ENDOV: variants seen among roughly 807,000 people sequenced by gnomAD.
ENDOV encodes hEndoV.
In ENDOV, 37 loss-of-function variants were observed where a neutral mutation model predicts 39.4. The observed-to-expected ratio is 0.94, with a 90% CI of 0.72 to 1.23. The LOEUF (loss-of-function observed/expected upper bound fraction) is 1.23. Among genes scored for constraint, ENDOV ranks in the 50% most tolerant of loss-of-function variants. The probability of loss-of-function intolerance (pLI) is 0.00; values close to 1 mark genes in which losing one functional copy is unlikely to be tolerated. For synonymous variants in ENDOV, 186 were observed against 163.4 expected (o/e 1.14, Z -1.05); for missense variants, 441 against 375.7 (o/e 1.17, Z -1.44).
intron 9 of ENDOV, among the ~76,000 whole-genome samples, chr17:80,432,005 G>A (rs1473779341): frequency 6.6e-6 from 1 of 152,140 alleles, no homozygotes; most frequent in Admixed American, 6.5e-5. Flanking sequence ...GGTGTCAGCT[G>A]TGGAGCTGTG....
In ENDOV at chr17:80,429,850, A is replaced by G. The variant is rs753362216; in HGVS notation, c.838+19A>G. The G allele has an allele frequency of 6.2e-7, 1 of 1,612,722 alleles. No homozygotes were observed. Among genetic ancestry groups the G allele is most frequent in the South Asian group, 1.1e-5 (1 of 91,090 alleles). ...TCCTCAGGTGAGGGCCAGCCCCCAC[A>G]GGACCACAGCCCAGGCCCCAGGACA... On this transcript the variant is annotated intron_variant, in intron 9 of 9. Transcript: ENST00000518137.
At chr17:80,429,392 A>G (rs2083128473) in intron 8 of ENDOV, among the ~76,000 whole-genome samples, 1 of 151,864 alleles carries the variant, frequency 6.6e-6, no homozygotes, top group Non-Finnish European at 1.5e-5. Context: ...GGACACCCCC[A>G]CTCCCTAGGC....
intron 2 of ENDOV, chr17:80,419,832 G>A (rs1195088229): frequency 2.1e-5 from 13 of 613,448 alleles, no homozygotes; most frequent in African/African-American, 3.6e-5. Flanking sequence ...AGACCTAACT[G>A]TCACCCACGC....
chr17:80,421,660 C>T (rs938141452), intron 2 of ENDOV, among the ~76,000 whole-genome samples, 168 bp from the exon 3 acceptor site: 2 of 152,092 alleles, frequency 1.3e-5, no homozygotes, highest in African/African-American at 2.4e-5. Flanking sequence ...GGTACATCTT[C>T]TAGTTCCTTC....
intron 7 of ENDOV, chr17:80,427,516 G>A: frequency 1.0e-6 from 1 of 985,470 alleles, no homozygotes; most frequent in Non-Finnish European, 1.2e-6. Flanking sequence ...CCCTCCAGAG[G>A]AAGGAAAGCC....
At chr17:80,427,928 G>A (rs1328630178) in intron 7 of ENDOV, 52 of 1,179,020 alleles carry the variant, frequency 4.4e-5, no homozygotes, top group East Asian at 5.8e-5. Flanking sequence ...GGGATTAGCC[G>A]TTGCTTTCCA....
Position 80,425,078 on chromosome 17 carries a change from ACT to A in ENDOV, c.566_567del (p.Ser189TrpfsTer51), listed in dbSNP as rs1430603263. 2 of 1,610,236 alleles carry A rather than the reference ACT, an allele frequency of 1.2e-6. No homozygotes were observed. The highest frequency in any genetic ancestry group is 2.2e-5 in the South Asian group (2 of 90,214). On this transcript the variant is annotated frameshift_variant, in exon 6 of 10. Transcript: ENST00000518137. LOFTEE classifies it high-confidence loss of function. ...GGAGACTCATTCCCTCTGCTGGGAG[ACT>A]CTGGGACTGTCCTGGGAATGGTGAG...
At chr17:80,427,455 G>C (rs1025269759) in intron 7 of ENDOV, 1 of 985,348 alleles carries the variant, frequency 1.0e-6, no homozygotes, top group African/African-American at 1.7e-5. Context: ...TAGAAATAGA[G>C]CAAGGATCTG....
In ENDOV at chr17:80,436,527, A is replaced by G; in HGVS notation, c.*384A>G. On this transcript the variant is annotated 3_prime_UTR_variant, in exon 10 of 10. Transcript: ENST00000518137. ...AATGCTTTTCTGGCCTCTATTGAAA[A>G]GATCCTGTGTTCTTCTGTGAATATG... 1 of 425,538 alleles carries G rather than the reference A, an allele frequency of 2.3e-6. No individual in the cohort carries two copies. Among genetic ancestry groups the G allele is most frequent in the Non-Finnish European group, 4.0e-6 (1 of 251,832 alleles). 26.4% of individuals were successfully genotyped at this position (425,538 alleles called of 1,614,324 possible). A position where few individuals can be genotyped will look rare whatever the true frequency, so the allele number is the denominator to read the frequency against.
chr17:80,433,273 C>T, intron 9 of ENDOV: 1 of 516,142 alleles, frequency 1.9e-6, no homozygotes, highest in East Asian at 5.5e-5. Context: ...GGGGATATTC[C>T]ACCAGGTGAA....
rs1249296498 is a variant in ENDOV, at chr17:80,421,857, C to A, written c.258C>A (p.Ser86Arg). ...TGTATGAGGAGAGCCGCATGGTCAGCCTCACAGCCCCCTACGTGTCGGGCT... is the reference window on the plus strand; with the variant it reads ...TGTATGAGGAGAGCCGCATGGTCAGACTCACAGCCCCCTACGTGTCGGGCT... Reference protein sequence around the residue: ...EVVYEESRMVSLTAPYVSGFL... With the variant: ...EVVYEESRMVRLTAPYVSGFL... The change falls in exon 3 of 10, where the codon AGC (serine) becomes AGA (arginine). Residue 86 changes from serine (S) to arginine (R), a missense_variant. By Grantham distance (110) the Ser-to-Arg change is moderately radical (BLOSUM62 -1). Coordinates refer to ENST00000518137, the MANE Select transcript of ENDOV (RefSeq NM_173627.5). 1 of 1,602,986 alleles carries A rather than the reference C, an allele frequency of 6.2e-7. No homozygotes were observed. The highest frequency in any genetic ancestry group is 1.3e-5 in the African/African-American group (1 of 74,834).
intron 9 of ENDOV, chr17:80,430,042 T>G: frequency 2.0e-6 from 3 of 1,535,754 alleles, no homozygotes; most frequent in Non-Finnish European, 2.6e-6. Flanking sequence ...CAGCCGCAGG[T>G]GGAGCACCCA....
chr17:80,430,213 C>A (rs1462064094), intron 9 of ENDOV: 1 of 1,471,168 alleles, frequency 6.8e-7, no homozygotes, highest in African/African-American at 1.4e-5. Context: ...GGGCAAGTGC[C>A]AGATCCTGAG....
chr17:80,432,454 CTGAA>C (rs2083386915), intron 9 of ENDOV, among the ~76,000 whole-genome samples: 1 of 152,128 alleles, frequency 6.6e-6, no homozygotes, highest in African/African-American at 2.4e-5. Context: ...CCTGAAACCT[CTGAA>C]TGTCACCAGC....
At chr17:80,434,407 G>A (rs2083488471) in intron 9 of ENDOV, among the ~76,000 whole-genome samples, 1 of 152,204 alleles carries the variant, frequency 6.6e-6, no homozygotes, top group South Asian at 2.1e-4. Context: ...AATGAAGACT[G>A]ATGTACACGC....
chr17:80,430,501 G>A, intron 9 of ENDOV: 1 of 706,562 alleles, frequency 1.4e-6, no homozygotes, highest in South Asian at 1.8e-5. Flanking sequence ...CCTGACACGG[G>A]AGGGGTCCTA....
intron 7 of ENDOV, chr17:80,427,934 T>C: frequency 8.6e-7 from 1 of 1,167,766 alleles, no homozygotes; most frequent in African/African-American, 1.6e-5. Flanking sequence ...AGCCGTTGCT[T>C]TCCATGAGTC....
intron 7 of ENDOV, among the ~76,000 whole-genome samples, chr17:80,425,821 G>A (rs2082631476): frequency 6.6e-6 from 1 of 152,170 alleles, no homozygotes; most frequent in South Asian, 2.1e-4. Context: ...GGGGGGTGCA[G>A]GGCTCCCAAG....
intron 9 of ENDOV, among the ~76,000 whole-genome samples, chr17:80,434,617 C>T (rs527407822): frequency 8.5e-5 from 13 of 152,260 alleles, no homozygotes; most frequent in African/African-American, 2.4e-4. Flanking sequence ...TATTATCTGC[C>T]GCTTAGATTC....
Sources: gnomAD v4.1 joint callset for allele counts (sites outside exome capture counted in the v4.1 genomes callset) on GRCh38, gnomAD v4.1.1 for gene constraint, MANE v1.5 for transcripts, NCBI Gene and HGNC (gene_info 2026-07-23, HGNC 2026-07-21) for gene names.